Variants in CYTH1 observed in about 807,000 individuals in gnomAD.
The protein encoded by CYTH1 is cytohesin-1.
A neutral mutation model predicts 61.8 loss-of-function variants in CYTH1; 18 were observed. The ratio of observed to expected loss-of-function variants is 0.29; its 90% CI spans 0.20 to 0.43. The LOEUF (loss-of-function observed/expected upper bound fraction) is 0.43. CYTH1 is among the 20% of genes least tolerant of loss of function. The pLI, the probability that CYTH1 is intolerant of heterozygous loss-of-function variation, is 1.00. For synonymous variants in CYTH1, 174 were observed against 184.3 expected, an observed-to-expected ratio of 0.94 and a Z score of 0.45; for missense variants, 336 against 510.5, an observed-to-expected ratio of 0.66 and a Z score of 3.29.
At chr17:78,774,859 C>G (rs894697735) in intron 1 of CYTH1, among the ~76,000 whole-genome samples, 5 of 152,322 alleles carry the variant, frequency 3.3e-5, no homozygotes, top group Admixed American at 2.0e-4. Flanking sequence ...TGAGTAGACA[C>G]TCAAGATTAT....
chr17:78,719,685 C>T (rs927613113), intron 1 of CYTH1, among the ~76,000 whole-genome samples: 1 of 152,054 alleles, frequency 6.6e-6, no homozygotes, highest in Non-Finnish European at 1.5e-5. Context: ...TGTAATGATA[C>T]CAGGATTTTA....
chr17:78,700,680 T>C lies in CYTH1; in HGVS notation c.438-237A>G, dbSNP rs1446253695. ...CCGGGACTACAGGCACACGCCACCA[T>C]GCCCGGCTAATTTTTTGTATTTTTA... On this transcript the variant is annotated intron_variant, in intron 6 of 13. Transcript: ENST00000446868. The surrounding 1 kb of genome is among the most constrained non-coding windows in gnomAD (Gnocchi z 5.1). Among the ~76,000 whole-genome samples, 1 of 152,110 alleles carries C rather than the reference T, an allele frequency of 6.6e-6. No individual in the cohort carries two copies. Among genetic ancestry groups the C allele is most frequent in the Non-Finnish European group, 1.5e-5 (1 of 67,994 alleles).
chr17:78,712,774 G>C (rs2093147669), intron 1 of CYTH1, among the ~76,000 whole-genome samples: 1 of 151,858 alleles, frequency 6.6e-6, no homozygotes. Context: ...TCTTCCTTTA[G>C]AGGCTGGAAG....
chr17:78,743,501 C>G (rs1295778929), intron 1 of CYTH1, among the ~76,000 whole-genome samples: 1 of 152,190 alleles, frequency 6.6e-6, no homozygotes, highest in Non-Finnish European at 1.5e-5. Flanking sequence ...CTCACTGGAG[C>G]ATTTTGGATT....
chr17:78,744,804 A>G (rs1323839029), intron 1 of CYTH1, among the ~76,000 whole-genome samples: 1 of 151,130 alleles, frequency 6.6e-6, no homozygotes, highest in East Asian at 1.9e-4. Flanking sequence ...ACTTTTTAGC[A>G]CTTTTGTTAT....
At chr17:78,694,927 G>A (rs1219809391) in intron 10 of CYTH1, among the ~76,000 whole-genome samples, 1 of 152,132 alleles carries the variant, frequency 6.6e-6, no homozygotes, top group Non-Finnish European at 1.5e-5. Flanking sequence ...CAAGCAGACA[G>A]ATCAATGTGC....
At chr17:78,747,145 C>CAAAAA (rs56201341) in intron 1 of CYTH1, among the ~76,000 whole-genome samples, 5 of 57,832 alleles carry the variant, frequency 8.6e-5, no homozygotes, top group African/African-American at 1.5e-4. Context: ...ATGGCAGCGC[C>CAAAAA]AAAAAAAAAA....
intron 1 of CYTH1, among the ~76,000 whole-genome samples, chr17:78,721,761 T>C (rs1241727653): frequency 1.3e-5 from 2 of 152,164 alleles, no homozygotes; most frequent in Non-Finnish European, 2.9e-5. Flanking sequence ...AGGAAGGTAT[T>C]GGCTGGGCGC....
chr17:78,730,549 A>G (rs2093288183), intron 1 of CYTH1, among the ~76,000 whole-genome samples: 1 of 151,754 alleles, frequency 6.6e-6, no homozygotes, highest in Non-Finnish European at 1.5e-5. Flanking sequence ...AAAAAAAACA[A>G]CAGTCACTGA....
At chr17:78,680,768 C>T (rs1441132472) in intron 12 of CYTH1, among the ~76,000 whole-genome samples, 1 of 152,202 alleles carries the variant, frequency 6.6e-6, no homozygotes, top group African/African-American at 2.4e-5. Context: ...GTGACATTCA[C>T]TAAGTGAAAC....
chr17:78,776,454 C>T (rs1423433772), intron 1 of CYTH1, among the ~76,000 whole-genome samples: 2 of 150,978 alleles, frequency 1.3e-5, no homozygotes, highest in East Asian at 2.0e-4. Flanking sequence ...GTCAGGAGTT[C>T]GAGACCAGCC....
intron 1 of CYTH1, among the ~76,000 whole-genome samples, chr17:78,774,939 G>A (rs1392631907): frequency 1.3e-5 from 2 of 152,334 alleles, no homozygotes; most frequent in East Asian, 3.9e-4. Flanking sequence ...AACCCCCGAA[G>A]TACCCACCAG....
intron 1 of CYTH1, among the ~76,000 whole-genome samples, chr17:78,772,771 C>T: frequency 6.6e-6 from 1 of 151,944 alleles, no homozygotes; most frequent in East Asian, 1.9e-4. Context: ...CTCTTGACCT[C>T]ATGATCCGGC....
intron 1 of CYTH1, among the ~76,000 whole-genome samples, chr17:78,777,690 C>T (rs2093498219): frequency 6.6e-6 from 1 of 151,574 alleles, no homozygotes. Context: ...CATTTCCCTC[C>T]AGAAAGAATT....
intron 1 of CYTH1, among the ~76,000 whole-genome samples, chr17:78,769,610 C>G (rs2093462498): frequency 6.6e-6 from 1 of 152,182 alleles, no homozygotes; most frequent in African/African-American, 2.4e-5. Context: ...AGCTTGCTGC[C>G]ATGTTTGTCT....
At chr17:78,709,793 T>C in intron 1 of CYTH1, 61 bp from the exon 2 acceptor site, 1 of 1,487,972 alleles carries the variant, frequency 6.7e-7, no homozygotes, top group Middle Eastern at 1.7e-4. Flanking sequence ...TCAAGGAAGA[T>C]CCAGAGGCCA....
At chr17:78,718,218 T>TACACACAC (rs55803104) in intron 1 of CYTH1, among the ~76,000 whole-genome samples, 1,555 of 128,334 alleles carry the variant, frequency 0.012, 39 homozygotes, top group East Asian at 0.036. Flanking sequence ...AAACACTGAA[T>TACACACAC]ACACACACAC....
At chr17:78,711,733 TCCC>T (rs1400220115) in intron 1 of CYTH1, among the ~76,000 whole-genome samples, 1 of 151,754 alleles carries the variant, frequency 6.6e-6, no homozygotes, top group Non-Finnish European at 1.5e-5. Flanking sequence ...ACCTAGGTTT[TCCC>T]CAACCTTCTC....
Position 78,782,250 on chromosome 17 carries a change from G to A in CYTH1, c.-27C>T, listed in dbSNP as rs1014980004. 7.0e-6 allele frequency: 9 copies of A among 1,280,648 alleles called. No individual in the cohort carries two copies. The highest frequency in any genetic ancestry group is 4.7e-5 in the African/African-American group (3 of 63,234). The allele number at this position is 1,280,648 out of a possible 1,614,324, so 79.3% of individuals were successfully genotyped here. On this transcript the variant is annotated 5_prime_UTR_variant, in exon 1 of 14. Transcript: ENST00000446868. ...GTGCGGGAGCCGGGCTCCGCGCTCC[G>A]GCTCGCCGCTCGCGTCCCGCCGCGC...
Sources: allele counts gnomAD v4.1 joint callset (sites outside exome capture counted in the v4.1 genomes callset), GRCh38; gene constraint gnomAD v4.1.1; non-coding constraint Gnocchi (gnomAD v3.1); transcripts MANE v1.5; gene names NCBI Gene and HGNC (gene_info 2026-07-23, HGNC 2026-07-21).